Variants in CCDC40 observed in about 807,000 individuals in gnomAD.
CCDC40 encodes the protein coiled-coil domain 40 molecular ruler complex subunit.
In CCDC40, 104 loss-of-function variants were observed where a neutral mutation model predicts 124.5. That is an observed-to-expected ratio of 0.84 (90% CI 0.71 to 0.98). The LOEUF is 0.98. Ranked by LOEUF, CCDC40 falls within the 50% of genes least tolerant of loss-of-function variation. The pLI is 0.00. For missense variants in CCDC40, 1,463 were observed against 1,503.9 expected, an observed-to-expected ratio of 0.97 and a Z score of 0.45; for synonymous variants, 580 against 602.9, an observed-to-expected ratio of 0.96 and a Z score of 0.56.
At chr17:80,060,545 T>C (rs1240778469) in intron 9 of CCDC40, among the ~76,000 whole-genome samples, 3 of 150,704 alleles carry the variant, frequency 2.0e-5, no homozygotes, top group Non-Finnish European at 4.4e-5. Flanking sequence ...GATTTTAAAG[T>C]TCACTTAGAA....
chr17:80,063,008 A>C (rs1019388112), intron 9 of CCDC40, among the ~76,000 whole-genome samples: 6 of 152,140 alleles, frequency 3.9e-5, no homozygotes, highest in African/African-American at 1.4e-4. Context: ...CAGCCTGGCC[A>C]ACATGGTGAA....
chr17:80,099,979 TC>T lies in CCDC40; in HGVS notation c.*207del. The T allele has an allele frequency of 1.7e-6, 1 of 602,642 alleles. No individual in the cohort carries two copies. Among genetic ancestry groups the T allele is most frequent in the Non-Finnish European group, 2.9e-6 (1 of 342,830 alleles). 37.3% of individuals were successfully genotyped at this position (602,642 alleles called of 1,614,324 possible). A position where few individuals can be genotyped will look rare whatever the true frequency, so the allele number is the denominator to read the frequency against. Reference sequence around the variant, plus strand: ...ATAAACCAGGTAAAATCCTAGCGTTTCCCATGGCATCCCATCGCAAAGACAG... The same window carrying T: ...ATAAACCAGGTAAAATCCTAGCGTTTCCATGGCATCCCATCGCAAAGACAG... On this transcript the variant is annotated 3_prime_UTR_variant, in exon 20 of 20. Coordinates refer to ENST00000397545, the MANE Select transcript of CCDC40 (RefSeq NM_017950.4).
At position 80,050,085 on chromosome 17, in the gene CCDC40, C is replaced by T. The variant is rs754867753; in HGVS notation, c.961C>T (p.Arg321Ter). The T allele has an allele frequency of 1.2e-5, 20 of 1,613,586 alleles. No homozygotes were observed. Among genetic ancestry groups the T allele is most frequent in the Non-Finnish European group, 1.4e-5 (17 of 1,179,948 alleles). The change falls in exon 7 of 20, where the codon CGA (arginine) becomes TGA (stop). Residue 321 changes from arginine to a stop codon, truncating the protein, a stop_gained. Transcript: ENST00000397545. LOFTEE classifies it high-confidence loss of function. ...CCAGGTTGTGGCTACCAAGCAGAGCCGAGCCCAGCGGCAGGAGCTGGGGGT... is the reference window on the plus strand; with the variant it reads ...CCAGGTTGTGGCTACCAAGCAGAGCTGAGCCCAGCGGCAGGAGCTGGGGGT... The part of the protein sequence containing the change: ...QELVVATKQS[R>*]AQRQELGVNL...
chr17:80,099,316 A>G (rs2038870126), intron 19 of CCDC40, among the ~76,000 whole-genome samples: 2 of 151,396 alleles, frequency 1.3e-5, no homozygotes, highest in Admixed American at 6.6e-5. Flanking sequence ...TGCCTCCTAG[A>G]TGGTGATGAT....
Position 80,054,107 on chromosome 17 carries a change from A to G in CCDC40, c.1159+3824A>G, listed in dbSNP as rs2037676925. ...AAATAAACCAATAAAGATCAAAAGC[A>G]GAAGCTGATGAAATAAATAAAAAAT... On this transcript the variant is annotated intron_variant, in intron 7 of 19. Transcript: ENST00000397545. Among the ~76,000 whole-genome samples the G allele has an allele frequency of 7.9e-5, 12 of 152,054 alleles. 1 individual carries two copies. The South Asian group carries it at 2.5e-3, about 31-fold the overall frequency.
chr17:80,100,603 A>G lies in CCDC40; in HGVS notation c.*828A>G. On this transcript the variant is annotated 3_prime_UTR_variant, in exon 20 of 20. Transcript: ENST00000397545. Reference sequence around the variant, plus strand: ...CAGAAGAATAAAATCTTTTTTCTGAATATCTAGTAAGCCTTTCTGAGTCAG... The same window carrying G: ...CAGAAGAATAAAATCTTTTTTCTGAGTATCTAGTAAGCCTTTCTGAGTCAG... 1 of 151,992 alleles carries G rather than the reference A, an allele frequency of 6.6e-6. No individual in the cohort carries two copies. Among genetic ancestry groups the G allele is most frequent in the Non-Finnish European group, 1.5e-5 (1 of 67,986 alleles). 9.4% of individuals were successfully genotyped at this position (151,992 alleles called of 1,614,324 possible). A position where few individuals can be genotyped will look rare whatever the true frequency, so the allele number is the denominator to read the frequency against.
chr17:80,094,493 G>T (rs1003102927), intron 17 of CCDC40, among the ~76,000 whole-genome samples: 1 of 151,956 alleles, frequency 6.6e-6, no homozygotes, highest in East Asian at 1.9e-4. Context: ...TGGGCGGATC[G>T]AGACCATCTT....
intron 18 of CCDC40, among the ~76,000 whole-genome samples, chr17:80,095,942 A>G (rs556574359): frequency 2.0e-5 from 3 of 152,228 alleles, no homozygotes; most frequent in Non-Finnish European, 2.9e-5. Context: ...CTGCATCCGC[A>G]TACCCCAGGC....
At chr17:80,091,336 C>CAGAGAG (rs1347758584) in intron 17 of CCDC40, among the ~76,000 whole-genome samples, 3 of 144,480 alleles carry the variant, frequency 2.1e-5, no homozygotes, top group African/African-American at 7.7e-5. Context: ...CACACACACA[C>CAGAGAG]ACACACAGAG....
At chr17:80,048,174 C>T (rs1349452606) in intron 4 of CCDC40, among the ~76,000 whole-genome samples, 1 of 152,094 alleles carries the variant, frequency 6.6e-6, no homozygotes, top group Non-Finnish European at 1.5e-5. Flanking sequence ...GCAGGAGAAT[C>T]GCTTGAACCC....
chr17:80,058,437 G>A lies in CCDC40; in HGVS notation c.1160-57G>A, dbSNP rs146646353. The A allele has an allele frequency of 7.7e-6, 12 of 1,557,024 alleles. No homozygotes were observed. Among genetic ancestry groups the A allele is most frequent in the Admixed American group, 3.3e-5 (2 of 59,920 alleles). On this transcript the variant is annotated intron_variant, in intron 7 of 19. Transcript: ENST00000397545. This position sits in a 1 kb window ranked among gnomAD's most constrained non-coding sequence, Gnocchi z 4.2. Reference sequence around the variant, plus strand: ...CCTCCTGGGTCTCTGCATGGGGGACGCTGGGACAGCCTCCCCACTCACTCT... The same window carrying A: ...CCTCCTGGGTCTCTGCATGGGGGACACTGGGACAGCCTCCCCACTCACTCT...
rs900169890 is a variant in CCDC40, at chr17:80,058,787, AG to A, written c.1318-68del. On this transcript the variant is annotated intron_variant, in intron 8 of 19. Transcript: ENST00000397545. The surrounding 1 kb of genome is among the most constrained non-coding windows in gnomAD (Gnocchi z 4.2). ...GCCTGGGTGGCGTCAACTTGTATCA[AG>A]GGTTGGTGGAGAACAGGCCCTCAGC... 2.0e-5 allele frequency: 32 copies of A among 1,612,106 alleles called. No individual in the cohort carries two copies. Among genetic ancestry groups the A allele is most frequent in the Non-Finnish European group, 2.5e-5 (30 of 1,178,696 alleles).
At position 80,089,543 on chromosome 17, in the gene CCDC40, C is replaced by A. The variant is rs764719305; in HGVS notation, c.2712-221C>A. 9.4e-5 allele frequency: 43 copies of A among 457,274 alleles called. 2 individuals carry two copies. The highest frequency in any genetic ancestry group is 1.6e-4 in the Non-Finnish European group (39 of 244,068). 28.3% of individuals were successfully genotyped at this position (457,274 alleles called of 1,614,324 possible). A position where few individuals can be genotyped will look rare whatever the true frequency, so the allele number is the denominator to read the frequency against. On this transcript the variant is annotated intron_variant, in intron 16 of 19. Transcript: ENST00000397545. ...CTCTGTCTCTCTGTTTCTTCCCCACCCCCATCTCCCTCCCTCCCCCTGTAT... is the reference window on the plus strand; with the variant it reads ...CTCTGTCTCTCTGTTTCTTCCCCACACCCATCTCCCTCCCTCCCCCTGTAT...
chr17:80,088,722 G>A lies in CCDC40; in HGVS notation c.2711+620G>A, dbSNP rs556533902. ...CTCGGGAGGCTGAGGTGGGAGGATC[G>A]CTTGAGCCCAGGAGGTCAAGGCTGC... On this transcript the variant is annotated intron_variant, in intron 16 of 19. Transcript: ENST00000397545. 2.0e-3 allele frequency among the ~76,000 whole-genome samples: 306 copies of A among 152,274 alleles called. 1 individual carries two copies. The highest frequency in any genetic ancestry group is 6.9e-3 in the African/African-American group (286 of 41,558).
intron 10 of CCDC40, chr17:80,067,548 C>T (rs554422039): frequency 2.2e-5 from 33 of 1,521,936 alleles, no homozygotes; most frequent in South Asian, 2.1e-4. Flanking sequence ...AAACACCGCT[C>T]GTTCCCGCCT....
intron 7 of CCDC40, among the ~76,000 whole-genome samples, chr17:80,056,030 T>TTTTTTTTTTTTTTTG: frequency 9.2e-6 from 1 of 108,660 alleles, no homozygotes; most frequent in Non-Finnish European, 1.9e-5. Flanking sequence ...TTTTTTTTTT[T>TTTTTTTTTTTTTTTG]TGGTAGAAAC....
intron 4 of CCDC40, 102 bp from the exon 5 acceptor site, chr17:80,048,481 T>G (rs2037487790): frequency 1.1e-6 from 1 of 934,102 alleles, no homozygotes; most frequent in Non-Finnish European, 1.7e-6. Flanking sequence ...CCCATCATGC[T>G]GCATGAGGCA....
At chr17:80,062,082 C>A (rs910990587) in intron 9 of CCDC40, among the ~76,000 whole-genome samples, 2 of 152,088 alleles carry the variant, frequency 1.3e-5, no homozygotes, top group Non-Finnish European at 2.9e-5. Context: ...TGCACTCCAG[C>A]CTGGGTGACA....
chr17:80,087,565 C>G lies in CCDC40; in HGVS notation c.2450-42C>G. Reference sequence around the variant, plus strand: ...TGCTGCCTGCGGGCGAGGACCCGTACCCTCCTGGGGTCTCTCCCTGAGTCT... The same window carrying G: ...TGCTGCCTGCGGGCGAGGACCCGTAGCCTCCTGGGGTCTCTCCCTGAGTCT... On this transcript the variant is annotated intron_variant, in intron 14 of 19. Coordinates refer to ENST00000397545, the MANE Select transcript of CCDC40 (RefSeq NM_017950.4). This position sits in a 1 kb window ranked among gnomAD's most constrained non-coding sequence, Gnocchi z 4.5. 1 of 1,585,530 alleles carries G rather than the reference C, an allele frequency of 6.3e-7. No homozygotes were observed. Among genetic ancestry groups the G allele is most frequent in the Non-Finnish European group, 8.7e-7 (1 of 1,154,834 alleles).
Sources: gnomAD v4.1 joint callset for allele counts (sites outside exome capture counted in the v4.1 genomes callset) on GRCh38, gnomAD v4.1.1 for gene constraint, Gnocchi (gnomAD v3.1) non-coding constraint, MANE v1.5 for transcripts, NCBI Gene and HGNC (gene_info 2026-07-23, HGNC 2026-07-21) for gene names.